The following MKLN1 variants were observed in gnomAD, a reference collection of about 807,000 sequenced individuals.
The protein encoded by MKLN1 is muskelin 1, also known as muskelin.
In MKLN1, 18 loss-of-function variants were observed where a neutral mutation model predicts 99.0. The observed-to-expected ratio is 0.18, with a 90% CI of 0.13 to 0.27. The LOEUF is 0.27. Ranked by LOEUF, MKLN1 falls within the 10% of genes least tolerant of loss-of-function variation. MKLN1 has a pLI of 1.00. For missense variants in MKLN1, 621 were observed against 875.9 expected, an observed-to-expected ratio of 0.71 and a Z score of 3.67; for synonymous variants, 288 against 293.2, an observed-to-expected ratio of 0.98 and a Z score of 0.18.
At position 131,466,191 on chromosome 7, in the gene MKLN1, G is replaced by C. The variant is rs56723881; in HGVS notation, c.1789-85G>C. The C allele has an allele frequency of 8.4e-4, 764 of 910,344 alleles. 1 individual carries two copies. Among genetic ancestry groups the C allele is most frequent in the African/African-American group, 5.3e-3 (310 of 58,858 alleles). The allele number at this position is 910,344 out of a possible 1,614,324, so 56.4% of individuals were successfully genotyped here. On this transcript the variant is annotated intron_variant, in intron 14 of 17. Transcript: ENST00000352689. ...TAATTTTTTTATTTGAATGGGCTCAGGAAGTTAACCTGTTATGCACTGCTA... is the reference window on the plus strand; with the variant it reads ...TAATTTTTTTATTTGAATGGGCTCACGAAGTTAACCTGTTATGCACTGCTA...
At chr7:131,173,500 C>T (rs1357049314) in intron 2 of MKLN1, among the ~76,000 whole-genome samples, 1 of 152,212 alleles carries the variant, frequency 6.6e-6, no homozygotes, top group East Asian at 1.9e-4. Flanking sequence ...GGGTAGATCA[C>T]CTGAGGTCAG....
chr7:131,418,590 C>T (rs1162547721), intron 8 of MKLN1, among the ~76,000 whole-genome samples: 1 of 152,178 alleles, frequency 6.6e-6, no homozygotes, highest in East Asian at 1.9e-4. Flanking sequence ...GGGCCTCATG[C>T]AGCCCATGGG....
chr7:131,253,986 A>C (rs1388714041), intron 3 of MKLN1, among the ~76,000 whole-genome samples: 1 of 152,212 alleles, frequency 6.6e-6, no homozygotes, highest in African/African-American at 2.4e-5. Context: ...AAGATGCTTA[A>C]ATTTAATTGG....
Position 131,153,666 on chromosome 7 carries a change from T to TG in MKLN1, c.-297+10725_-297+10726insG, listed in dbSNP as rs1462774008. On this transcript the variant is annotated intron_variant, in intron 2 of 7. Coordinates refer to the MKLN1 transcript ENST00000416992. ...AAAATGAAAGTAGGTTTTTTTTGGT[T>TG]TTTTTTTTTTTTTTGAGAAGGAGTC... Among the ~76,000 whole-genome samples the TG allele has an allele frequency of 4.8e-5, 7 of 146,574 alleles. No homozygotes were observed. The East Asian group carries it at 1.4e-3, about 29-fold the overall frequency.
chr7:131,346,782 G>T (rs73153477), intron 1 of MKLN1, among the ~76,000 whole-genome samples: 198 of 152,272 alleles, frequency 1.3e-3, no homozygotes, highest in South Asian at 2.3e-3. Flanking sequence ...TTGGGCCTAG[G>T]CCCAAAGTAC....
rs963537854 is a variant in MKLN1, at chr7:131,407,698, T to C, written c.704-3608T>C. ...TTCCTGAAACATGGTTTTTTTTTTT[T>C]TCATAATTTTTGCTCATTTATGCCT... On this transcript the variant is annotated intron_variant, in intron 6 of 17. Coordinates refer to ENST00000352689, the MANE Select transcript of MKLN1 (RefSeq NM_013255.5). 1.3e-4 allele frequency among the ~76,000 whole-genome samples: 20 copies of C among 151,910 alleles called. 1 individual carries two copies. The highest frequency in any genetic ancestry group is 1.5e-5 in the Non-Finnish European group (1 of 67,932).
In MKLN1 at chr7:131,414,633, T is replaced by C. The variant is rs778218897; in HGVS notation, c.782-12T>C. ...GTTATTCCTTTAAAAGAAACTATTA[T>C]TTCTTCTAAAGGTGATGGGGAAGAT... On this transcript the variant is annotated splice_polypyrimidine_tract_variant and intron_variant, in intron 7 of 17. Coordinates refer to ENST00000352689, the MANE Select transcript of MKLN1 (RefSeq NM_013255.5). 4.4e-6 allele frequency: 7 copies of C among 1,584,022 alleles called. No individual in the cohort carries two copies. In the South Asian group the frequency reaches 6.8e-5, roughly 15 times the overall value.
At chr7:131,121,191 C>T (rs1027725927) in intron 1 of MKLN1, among the ~76,000 whole-genome samples, 5 of 152,096 alleles carry the variant, frequency 3.3e-5, no homozygotes, top group African/African-American at 1.2e-4. Flanking sequence ...CAACAGATCT[C>T]GTGAGAACTC....
chr7:131,210,338 C>A (rs1210036560), intron 3 of MKLN1, among the ~76,000 whole-genome samples: 1 of 151,986 alleles, frequency 6.6e-6, no homozygotes. Context: ...TGAGAACAGC[C>A]TGGGCAACAC....
chr7:131,367,696 C>T (rs1424856950), intron 1 of MKLN1, among the ~76,000 whole-genome samples: 7 of 152,140 alleles, frequency 4.6e-5, no homozygotes, highest in African/African-American at 1.7e-4. Context: ...TCTCTGTTCT[C>T]TGTTTCATTA....
At chr7:131,128,545 A>G (rs528523525) in intron 1 of MKLN1, among the ~76,000 whole-genome samples, 2 of 152,330 alleles carry the variant, frequency 1.3e-5, no homozygotes, top group African/African-American at 2.4e-5. Flanking sequence ...GAAAACATTG[A>G]TATATTTCAT....
chr7:131,390,210 T>C (rs888929709), intron 4 of MKLN1, among the ~76,000 whole-genome samples: 4 of 152,218 alleles, frequency 2.6e-5, no homozygotes, highest in African/African-American at 9.6e-5. Context: ...TATGTCACTT[T>C]GTAGTAATTA....
intron 2 of MKLN1, among the ~76,000 whole-genome samples, chr7:131,159,802 A>T (rs114524392): frequency 0.018 from 2,784 of 152,240 alleles, 82 homozygotes; most frequent in African/African-American, 0.064. Flanking sequence ...GGGAAAAAAA[A>T]TAGTATATAC....
chr7:131,414,375 T>C (rs1794957627), intron 7 of MKLN1, among the ~76,000 whole-genome samples: 1 of 152,164 alleles, frequency 6.6e-6, no homozygotes, highest in Non-Finnish European at 1.5e-5. Flanking sequence ...ATATTCTGTG[T>C]CTTTGCTGGT....
At chr7:131,232,232 A>G (rs1003036161) in intron 3 of MKLN1, among the ~76,000 whole-genome samples, 2 of 152,238 alleles carry the variant, frequency 1.3e-5, no homozygotes, top group African/African-American at 4.8e-5. Flanking sequence ...AAATTATAAT[A>G]AAGATACTCT....
intron 2 of MKLN1, among the ~76,000 whole-genome samples, chr7:131,155,913 T>C (rs1194580499): frequency 2.0e-5 from 3 of 152,198 alleles, no homozygotes; most frequent in African/African-American, 7.2e-5. Context: ...GTTAGGGAAA[T>C]GGGATTTGGC....
intron 3 of MKLN1, among the ~76,000 whole-genome samples, chr7:131,287,919 T>C (rs946172713): frequency 6.6e-6 from 1 of 152,148 alleles, no homozygotes; most frequent in Non-Finnish European, 1.5e-5. Flanking sequence ...CCTGACGCCA[T>C]GTGAAGAAGG....
Position 131,311,986 on chromosome 7 carries a change from A to G in MKLN1, c.-178-63438A>G, listed in dbSNP as rs985078407. Among the ~76,000 whole-genome samples the G allele has an allele frequency of 4.6e-5, 7 of 151,930 alleles. No individual in the cohort carries two copies. In the East Asian group the frequency reaches 1.4e-3, roughly 29 times the overall value. ...AAATCCTTATAAACAAATCTATCAA[A>G]TCTCAGGCAGGTATTTTTTTTTGTT... On this transcript the variant is annotated intron_variant, in intron 3 of 7. Coordinates refer to the MKLN1 transcript ENST00000416992.
intron 1 of MKLN1, among the ~76,000 whole-genome samples, chr7:131,359,258 G>A (rs1019537853): frequency 6.6e-6 from 1 of 152,164 alleles, no homozygotes; most frequent in African/African-American, 2.4e-5. Flanking sequence ...TCTGGAGACT[G>A]CTTTGACCCA....
Sources: gnomAD v4.1 joint callset for allele counts (sites outside exome capture counted in the v4.1 genomes callset) on GRCh38, gnomAD v4.1.1 for gene constraint, MANE v1.5 for transcripts, NCBI Gene and HGNC (gene_info 2026-07-23, HGNC 2026-07-21) for gene names.